RALY: variants seen among roughly 807,000 people sequenced by gnomAD.
RALY encodes the protein RALY heterogeneous nuclear ribonucleoprotein.
RALY carries 15 observed loss-of-function variants against 30.7 expected under a neutral mutation model. The ratio of observed to expected loss-of-function variants is 0.49; its 90% confidence interval spans 0.33 to 0.75. The LOEUF is 0.75. Ranked by LOEUF, RALY falls within the 30% of genes least tolerant of loss-of-function variation. RALY has a pLI of 0.02. For synonymous variants in RALY, 177 were observed against 170.8 expected (o/e 1.04, Z -0.28); for missense variants, 339 against 414.3 (o/e 0.82, Z 1.58).
intron 1 of RALY, among the ~76,000 whole-genome samples, chr20:34,022,969 A>C (rs1167908474): frequency 6.6e-6 from 1 of 152,080 alleles, no homozygotes; most frequent in Non-Finnish European, 1.5e-5. Flanking sequence ...ACCTGTGAGG[A>C]GAGTAGTCGT....
chr20:34,003,158 G>A (rs140184424), intron 1 of RALY, among the ~76,000 whole-genome samples: 405 of 152,140 alleles, frequency 2.7e-3, no homozygotes, highest in Non-Finnish European at 4.8e-3. Context: ...TTGTGCTCCC[G>A]ATTTCTTCCA....
chr20:34,027,987 A>G (rs983512865), intron 1 of RALY, among the ~76,000 whole-genome samples: 5 of 152,182 alleles, frequency 3.3e-5, no homozygotes, highest in Admixed American at 1.3e-4. Flanking sequence ...AGTAGGAGGA[A>G]TAGAAACAGA....
intron 1 of RALY, among the ~76,000 whole-genome samples, chr20:34,022,547 AT>A (rs2123059575): frequency 6.6e-6 from 1 of 152,264 alleles, no homozygotes; most frequent in South Asian, 2.1e-4. Flanking sequence ...GGCTGGCTTT[AT>A]CCCTCAGTCA....
chr20:34,000,865 T>C (rs911656335), intron 1 of RALY, among the ~76,000 whole-genome samples: 1 of 152,212 alleles, frequency 6.6e-6, no homozygotes, highest in Non-Finnish European at 1.5e-5. Context: ...ATTGTAATTA[T>C]CTAATATTCT....
intron 2 of RALY, among the ~76,000 whole-genome samples, chr20:34,060,827 C>G (rs1368012428): frequency 1.3e-5 from 2 of 152,190 alleles, no homozygotes; most frequent in Non-Finnish European, 2.9e-5. Context: ...ACTACATAAG[C>G]TCAAAGCAAA....
chr20:34,043,916 A>T (rs1389919199), intron 2 of RALY, among the ~76,000 whole-genome samples: 2 of 152,112 alleles, frequency 1.3e-5, no homozygotes, highest in Non-Finnish European at 2.9e-5. Flanking sequence ...ACCTGGAGAG[A>T]GTGCTTTAGG....
chr20:34,014,521 A>G (rs1003383225), intron 1 of RALY, among the ~76,000 whole-genome samples: 1 of 152,194 alleles, frequency 6.6e-6, no homozygotes, highest in Non-Finnish European at 1.5e-5. Flanking sequence ...TACTATTCCA[A>G]GGTGAAATAA....
intron 2 of RALY, among the ~76,000 whole-genome samples, chr20:34,035,612 C>A (rs4911399): frequency 0.52 from 79,566 of 151,980 alleles, 23,022 homozygotes; most frequent in South Asian, 0.75. Context: ...TCCCCCACTC[C>A]TCCTTTTTGT....
chr20:34,046,242 C>G (rs2032875894), intron 2 of RALY, among the ~76,000 whole-genome samples: 1 of 152,192 alleles, frequency 6.6e-6, no homozygotes, highest in African/African-American at 2.4e-5. Context: ...CAGCCCCAGT[C>G]TTATCTCCAA....
intron 1 of RALY, among the ~76,000 whole-genome samples, chr20:34,021,508 C>T (rs371532653): frequency 2.4e-4 from 36 of 152,310 alleles, no homozygotes; most frequent in African/African-American, 8.7e-4. Flanking sequence ...AGATAGCAGA[C>T]ACTTTCCTGC....
At chr20:34,034,278 A>G (rs1461564374) in intron 2 of RALY, among the ~76,000 whole-genome samples, 1 of 152,118 alleles carries the variant, frequency 6.6e-6, no homozygotes, top group East Asian at 1.9e-4. Flanking sequence ...GATGGGGGCC[A>G]TTCTCTTCGC....
At chr20:34,032,769 C>T (rs1601443333) in intron 2 of RALY, among the ~76,000 whole-genome samples, 1 of 152,288 alleles carries the variant, frequency 6.6e-6, no homozygotes. Flanking sequence ...CCAGGTCAGT[C>T]TGACCATAAA....
chr20:34,022,152 A>G (rs906033551), intron 1 of RALY, among the ~76,000 whole-genome samples: 9 of 143,860 alleles, frequency 6.3e-5, no homozygotes, highest in African/African-American at 2.1e-4. Flanking sequence ...CTGGTCTCGA[A>G]CTCCTGGGCT....
At chr20:34,043,911 G>C (rs140032846) in intron 2 of RALY, among the ~76,000 whole-genome samples, 71 of 152,232 alleles carry the variant, frequency 4.7e-4, no homozygotes, top group African/African-American at 1.7e-3. Context: ...TGGAAACCTG[G>C]AGAGAGTGCT....
At chr20:34,048,243 A>G (rs1265484344) in intron 2 of RALY, among the ~76,000 whole-genome samples, 1 of 152,166 alleles carries the variant, frequency 6.6e-6, no homozygotes, top group Non-Finnish European at 1.5e-5. Context: ...CACTTCATCA[A>G]GAGGAATTAA....
At chr20:34,028,051 G>A (rs1353845468) in intron 1 of RALY, among the ~76,000 whole-genome samples, 1 of 152,128 alleles carries the variant, frequency 6.6e-6, no homozygotes, top group Non-Finnish European at 1.5e-5. Flanking sequence ...CAGCACTTTG[G>A]GAGGCCAAGG....
chr20:34,038,435 G>T (rs1467283535), intron 2 of RALY, among the ~76,000 whole-genome samples: 1 of 152,120 alleles, frequency 6.6e-6, no homozygotes. Flanking sequence ...TATTGAATGG[G>T]ACAGATTGGG....
intron 3 of RALY, 22 bp downstream of exon 3, chr20:34,072,352 TCTC>T: frequency 1.2e-6 from 2 of 1,600,120 alleles, no homozygotes; most frequent in Non-Finnish European, 8.5e-7. Context: ...TTCACTATAT[TCTC>T]CTAGTATTCT....
At chr20:34,029,038 T>A (rs1340299046) in intron 1 of RALY, among the ~76,000 whole-genome samples, 1 of 151,786 alleles carries the variant, frequency 6.6e-6, no homozygotes, top group Non-Finnish European at 1.5e-5. Context: ...ATAGGAGGGG[T>A]AGGGGAGACT....
Sources: gnomAD v4.1 joint callset for allele counts (sites outside exome capture counted in the v4.1 genomes callset) on GRCh38, gnomAD v4.1.1 for gene constraint, MANE v1.5 for transcripts, NCBI Gene and HGNC (gene_info 2026-07-23, HGNC 2026-07-21) for gene names.